Variants in TMEM236 observed in about 807,000 individuals in gnomAD.
TMEM236 encodes transmembrane protein 236.
A neutral mutation model predicts 14.7 loss-of-function variants in TMEM236; 11 were observed. That is an observed-to-expected ratio of 0.75 (90% confidence interval 0.47 to 1.24). TMEM236 has a LOEUF of 1.24. TMEM236 is among the 50% of genes most tolerant of loss of function. TMEM236 has a pLI of 0.00. For synonymous variants in TMEM236, 182 were observed against 168.6 expected (o/e 1.08, Z -0.62); for missense variants, 464 against 427.3 (o/e 1.09, Z -0.76).
At chr10:17,756,554 C>T (rs1193280754) in intron 1 of TMEM236, among the ~76,000 whole-genome samples, 5 of 152,178 alleles carry the variant, frequency 3.3e-5, no homozygotes, top group African/African-American at 1.2e-4. Flanking sequence ...CCTCAGCCTC[C>T]CAAAGTGCTG....
At chr10:17,791,725 T>C (rs1366867338) in intron 3 of TMEM236, among the ~76,000 whole-genome samples, 2 of 152,230 alleles carry the variant, frequency 1.3e-5, no homozygotes, top group Non-Finnish European at 2.9e-5. Flanking sequence ...TTCCTACTCA[T>C]TCTTACTATC....
Position 17,759,806 on chromosome 10 carries a change from C to G in TMEM236, c.257+7254C>G, listed in dbSNP as rs948566706. Among the ~76,000 whole-genome samples, 885 of 151,888 alleles carry G rather than the reference C, an allele frequency of 5.8e-3. 8 individuals are homozygous for G. The highest frequency in any genetic ancestry group is 0.02 in the African/African-American group (838 of 41,414). ...CCATCCTGGCTAACACGGTGAAACC[C>G]CGTCTCTACTAAAAATACAGAAAAA... On this transcript the variant is annotated intron_variant, in intron 1 of 3. Coordinates refer to ENST00000377495, the MANE Select transcript of TMEM236 (RefSeq NM_001098844.3).
In TMEM236 at chr10:17,799,089, A is replaced by G. The variant is rs1487675661; in HGVS notation, c.*2585A>G. ...TGAATATATAAATTAAAATGGACAC[A>G]AGCCTTCATTCATCAGACATTTGAG... is the stretch of plus-strand genomic sequence containing the variant. On this transcript the variant is annotated 3_prime_UTR_variant, in exon 4 of 4. Transcript: ENST00000377495. 1.7e-5 allele frequency: 3 copies of G among 179,232 alleles called. No homozygotes were observed. Among genetic ancestry groups the G allele is most frequent in the Non-Finnish European group, 3.6e-5 (3 of 83,874 alleles). The allele number at this position is 179,232 out of a possible 1,614,324, so 11.1% of individuals were successfully genotyped here.
chr10:17,773,897 G>A (rs1487823943), intron 2 of TMEM236, among the ~76,000 whole-genome samples: 1 of 152,128 alleles, frequency 6.6e-6, no homozygotes, highest in Admixed American at 6.5e-5. Context: ...TTGATGAAAA[G>A]AAGTTCTTAA....
intron 1 of TMEM236, among the ~76,000 whole-genome samples, chr10:17,754,662 G>A (rs1260451132): frequency 2.0e-5 from 3 of 151,970 alleles, no homozygotes; most frequent in Non-Finnish European, 4.4e-5. Flanking sequence ...TTACTGTGTT[G>A]GTAAATTCTG....
chr10:17,780,814 C>T (rs1436087493), intron 3 of TMEM236, among the ~76,000 whole-genome samples: 1 of 152,194 alleles, frequency 6.6e-6, no homozygotes, highest in Non-Finnish European at 1.5e-5. Flanking sequence ...GAGCAGCTCT[C>T]TCTCTTTCGA....
At chr10:17,757,925 C>T (rs1034642085) in intron 1 of TMEM236, among the ~76,000 whole-genome samples, 5 of 151,890 alleles carry the variant, frequency 3.3e-5, no homozygotes, top group Non-Finnish European at 5.9e-5. Flanking sequence ...TGCGCCACCA[C>T]GCCTGGCTAA....
intron 3 of TMEM236, among the ~76,000 whole-genome samples, chr10:17,790,099 G>T (rs1004857841): frequency 1.8e-4 from 28 of 152,170 alleles, no homozygotes; most frequent in Middle Eastern, 3.4e-3. Flanking sequence ...GCGTCATAGC[G>T]CATGCCTGTA....
At chr10:17,774,235 G>A (rs1406865073) in intron 2 of TMEM236, among the ~76,000 whole-genome samples, 2 of 152,006 alleles carry the variant, frequency 1.3e-5, no homozygotes, top group African/African-American at 4.8e-5. Flanking sequence ...AATAGAGATG[G>A]GGTTTCAACA....
intron 3 of TMEM236, among the ~76,000 whole-genome samples, chr10:17,790,298 A>G (rs988479434): frequency 1.3e-5 from 2 of 152,348 alleles, no homozygotes; most frequent in African/African-American, 4.8e-5. Context: ...AGAGTGCTGT[A>G]TTTGAATGGA....
At chr10:17,765,822 C>G (rs1418728518) in intron 1 of TMEM236, among the ~76,000 whole-genome samples, 4 of 152,300 alleles carry the variant, frequency 2.6e-5, no homozygotes, top group East Asian at 1.9e-4. Flanking sequence ...CGCCTCTGGG[C>G]TTGTGGTTGC....
At chr10:17,785,571 A>T (rs1258247801) in intron 3 of TMEM236, among the ~76,000 whole-genome samples, 1 of 151,982 alleles carries the variant, frequency 6.6e-6, no homozygotes, top group Non-Finnish European at 1.5e-5. Flanking sequence ...CAAAAAAAGG[A>T]TGTAGCTTTT....
At chr10:17,771,247 A>G in intron 1 of TMEM236, 62 bp from the exon 2 acceptor site, 1 of 1,501,006 alleles carries the variant, frequency 6.7e-7, no homozygotes, top group Non-Finnish European at 9.3e-7. Context: ...AATTAGCAAA[A>G]TGTAAGAGGA....
At position 17,754,122 on chromosome 10, in the gene TMEM236, T is replaced by C. The variant is rs968555182; in HGVS notation, c.257+1570T>C. Among the ~76,000 whole-genome samples, 619 of 152,352 alleles carry C rather than the reference T, an allele frequency of 4.1e-3. 5 individuals carry two copies. The highest frequency in any genetic ancestry group is 0.014 in the African/African-American group (587 of 41,580). On this transcript the variant is annotated intron_variant, in intron 1 of 3. Coordinates refer to ENST00000377495, the MANE Select transcript of TMEM236 (RefSeq NM_001098844.3). ...TAGTAAATGTTGGACTTAATTCTCCTGGACACTAAATTACATAAACTTATC... is the reference window on the plus strand; with the variant it reads ...TAGTAAATGTTGGACTTAATTCTCCCGGACACTAAATTACATAAACTTATC...
In TMEM236 at chr10:17,796,471, GA is replaced by G; in HGVS notation, c.1024del (p.Ile342PhefsTer22). 1 of 1,613,298 alleles carries G rather than the reference GA, an allele frequency of 6.2e-7. No individual in the cohort carries two copies. Among genetic ancestry groups the G allele is most frequent in the Non-Finnish European group, 8.5e-7 (1 of 1,179,708 alleles). ...IYFNYLTRIR[I>X]FSAFEMSPF The stretch of plus-strand genomic sequence containing the variant: ...ACTTCAATTACCTAACCAGAATCAG[GA>G]TTTTTTCTGCCTTTGAAATGTCTCC... On this transcript the variant is annotated frameshift_variant, in exon 4 of 4. Transcript: ENST00000377495. LOFTEE classifies it high-confidence loss of function.
At chr10:17,791,096 G>C (rs1054242273) in intron 3 of TMEM236, among the ~76,000 whole-genome samples, 3 of 152,164 alleles carry the variant, frequency 2.0e-5, no homozygotes, top group Non-Finnish European at 4.4e-5. Flanking sequence ...CTTGCTAGCT[G>C]TGTGACCTTG....
chr10:17,776,008 T>C, intron 2 of TMEM236, 21 bp from the exon 3 acceptor site: 1 of 1,613,804 alleles, frequency 6.2e-7, no homozygotes, highest in Non-Finnish European at 8.5e-7. Flanking sequence ...TTAATGCTTG[T>C]AAATGGTTTT....
intron 1 of TMEM236, among the ~76,000 whole-genome samples, chr10:17,769,655 G>C (rs1477970638): frequency 6.6e-6 from 1 of 152,118 alleles, no homozygotes; most frequent in Non-Finnish European, 1.5e-5. Context: ...AACAGACAAA[G>C]CTACCAGTTG....
intron 1 of TMEM236, 36 bp from the exon 2 acceptor site, chr10:17,771,273 C>T: frequency 1.3e-6 from 2 of 1,593,148 alleles, no homozygotes; most frequent in Non-Finnish European, 1.7e-6. Flanking sequence ...CGATCTTGTC[C>T]ATGATTGCTT....
Sources: gnomAD v4.1 joint callset for allele counts (sites outside exome capture counted in the v4.1 genomes callset) on GRCh38, gnomAD v4.1.1 for gene constraint, MANE v1.5 for transcripts, NCBI Gene and HGNC (gene_info 2026-07-23, HGNC 2026-07-21) for gene names.